Variants in TTC34 observed in about 807,000 individuals in gnomAD.
The protein encoded by TTC34 is tetratricopeptide repeat domain 34.
Under a neutral mutation model 40.7 loss-of-function variants are expected in TTC34, and 44 were observed. The observed-to-expected ratio is 1.08, with a 90% CI of 0.85 to 1.39. TTC34 has a LOEUF of 1.39. Among genes scored for constraint, TTC34 ranks in the 40% most tolerant of loss-of-function variants. The pLI is 0.00. For missense variants in TTC34, 884 were observed against 838.0 expected (o/e 1.05, Z -0.68); for synonymous variants, 422 against 398.6 (o/e 1.06, Z -0.70).
intron 6 of TTC34, among the ~76,000 whole-genome samples, chr1:2,684,957 C>G (rs1340608834): frequency 7.3e-6 from 1 of 137,508 alleles, no homozygotes; most frequent in Admixed American, 7.3e-5. Flanking sequence ...ACCACCCACA[C>G]CCCCAGACGA....
rs868683827 is a variant in TTC34, at chr1:2,771,436, C to A, written c.2226+12173G>T. On this transcript the variant is annotated intron_variant, in intron 6 of 8. Coordinates refer to ENST00000401095, the Ensembl canonical transcript of TTC34. ...TGAGAATCTGACACATAAAACAGCA[C>A]CCTGCAACCCCAGGTGAGCATCTGA... 2.8e-4 allele frequency among the ~76,000 whole-genome samples: 21 copies of A among 74,696 alleles called. 1 individual carries two copies. Among genetic ancestry groups the A allele is most frequent in the African/African-American group, 2.1e-3 (20 of 9,706 alleles). 49.0% of individuals were successfully genotyped at this position (74,696 alleles called of 152,430 possible).
Position 2,796,486 on chromosome 1 carries a change from AC to A in TTC34, c.784+3557del, listed in dbSNP as rs1000155431. 8.5e-5 allele frequency among the ~76,000 whole-genome samples: 13 copies of A among 152,286 alleles called. No homozygotes were observed. The highest frequency in any genetic ancestry group is 3.1e-4 in the African/African-American group (13 of 41,548). On this transcript the variant is annotated intron_variant, in intron 2 of 8. Coordinates refer to ENST00000401095, the Ensembl canonical transcript of TTC34. The surrounding 1 kb of genome is among the most constrained non-coding windows in gnomAD (Gnocchi z 4.5). ...GGTGTTCCCTGTACACACCAGAGCC[AC>A]GGCAGACACAGACGAGCTTCCGGTG...
At chr1:2,688,154 AAGG>A (rs1640453413) in intron 6 of TTC34, among the ~76,000 whole-genome samples, 1 of 150,826 alleles carries the variant, frequency 6.6e-6, no homozygotes, top group African/African-American at 2.4e-5. Context: ...GACGGCCTGG[AAGG>A]GCACCCACAC....
intron 6 of TTC34, among the ~76,000 whole-genome samples, chr1:2,759,231 C>CCACACCACCAGTCGAGAT (rs1641608912): frequency 8.2e-6 from 1 of 121,860 alleles, no homozygotes; most frequent in African/African-American, 3.4e-5. Flanking sequence ...GAAACAGCAC[C>CCACACCACCAGTCGAGAT]CTGCACCCCC....
At chr1:2,780,918 CTTATT>C (rs1411442715) in intron 6 of TTC34, among the ~76,000 whole-genome samples, 1 of 152,106 alleles carries the variant, frequency 6.6e-6, no homozygotes, top group Non-Finnish European at 1.5e-5. Flanking sequence ...TTGTTTATGT[CTTATT>C]TAATTTATTT....
intron 5 of TTC34, 92 bp downstream of exon 5, chr1:2,785,727 G>T: frequency 7.3e-7 from 1 of 1,367,174 alleles, no homozygotes. Context: ...TGGGGAGCAT[G>T]CGTGTCCCCA....
exon 2 of TTC34, chr1:2,800,111 C>G: frequency 2.5e-6 from 1 of 398,546 alleles, no homozygotes; most frequent in Non-Finnish European, 4.4e-6. Context: ...AGTCCTCAAA[C>G]CTGCCGCTGT....
chr1:2,645,557 C>T lies in TTC34; in HGVS notation c.2233G>A (p.Val745Met), dbSNP rs781295222. Residue 745 changes from valine (V) to methionine (M), a missense_variant, in exon 7 of 9, where the codon GTG becomes ATG. Transcript: ENST00000401095. This position sits in a 1 kb window ranked among gnomAD's most constrained non-coding sequence, Gnocchi z 4.7. Reference sequence around the variant, plus strand: ...TTCAGAGCAGAGACGATGTCGTCCACGGCTTCCTGCAAGGAGGGAGGGCGG... The same window carrying T: ...TTCAGAGCAGAGACGATGTCGTCCATGGCTTCCTGCAAGGAGGGAGGGCGG... 1.6e-4 allele frequency: 68 copies of T among 431,770 alleles called. No individual in the cohort carries two copies. The highest frequency in any genetic ancestry group is 1.8e-4 in the East Asian group (1 of 5,490). The allele number at this position is 431,770 out of a possible 1,614,324, so 26.7% of individuals were successfully genotyped here.
intron 3 of TTC34, among the ~76,000 whole-genome samples, chr1:2,788,398 TTGTG>T (rs987158458): frequency 2.0e-5 from 3 of 151,686 alleles, no homozygotes; most frequent in Non-Finnish European, 2.9e-5. Flanking sequence ...GTCTGGTGTG[TTGTG>T]TGTGTGTTAT....
chr1:2,686,047 G>C (rs1640327019), intron 6 of TTC34, among the ~76,000 whole-genome samples: 1 of 116,862 alleles, frequency 8.6e-6, no homozygotes, highest in Non-Finnish European at 1.7e-5. Context: ...GCACCCCCAA[G>C]TGAGCATCCG....
chr1:2,655,056 C>T (rs1369335800), intron 6 of TTC34, among the ~76,000 whole-genome samples: 24 of 151,954 alleles, frequency 1.6e-4, no homozygotes, highest in African/African-American at 5.6e-4. Flanking sequence ...CGCTGCACCC[C>T]CAAGTGAGCA....
chr1:2,784,433 T>A (rs954216995), intron 5 of TTC34, among the ~76,000 whole-genome samples: 4 of 152,150 alleles, frequency 2.6e-5, no homozygotes, highest in African/African-American at 9.7e-5. Flanking sequence ...GACCTCTGGA[T>A]GACTGTGGGC....
chr1:2,760,951 G>A (rs1286406564), intron 6 of TTC34, among the ~76,000 whole-genome samples: 1 of 58,180 alleles, frequency 1.7e-5, no homozygotes, highest in Non-Finnish European at 2.8e-5. Context: ...ACAGCCTGGA[G>A]CAGCGTCCAC....
At chr1:2,651,292 C>T (rs1439199904) in intron 6 of TTC34, among the ~76,000 whole-genome samples, 2 of 151,808 alleles carry the variant, frequency 1.3e-5, no homozygotes, top group South Asian at 4.2e-4. Context: ...GAGGATCTGA[C>T]AACCTGGAAT....
intron 6 of TTC34, among the ~76,000 whole-genome samples, chr1:2,751,384 ATGGT>A (rs1641313808): frequency 9.6e-6 from 1 of 104,262 alleles, no homozygotes. Flanking sequence ...TGCGCATCTG[ATGGT>A]CTGGAGCAGC....
At chr1:2,675,181 T>A (rs1232199135) in intron 6 of TTC34, among the ~76,000 whole-genome samples, 180 of 74,336 alleles carry the variant, frequency 2.4e-3, no homozygotes, top group African/African-American at 4.5e-3. Context: ...GCATCTGACA[T>A]CCTGGAGCAG....
intron 6 of TTC34, among the ~76,000 whole-genome samples, chr1:2,777,692 G>GGT (rs915585298): frequency 4.6e-5 from 7 of 151,952 alleles, no homozygotes; most frequent in African/African-American, 7.2e-5. Flanking sequence ...AGGGCATGGG[G>GGT]GGGGGGGCGC....
intron 6 of TTC34, among the ~76,000 whole-genome samples, chr1:2,687,738 C>A (rs1204689024): frequency 6.6e-6 from 1 of 150,858 alleles, no homozygotes; most frequent in Non-Finnish European, 1.5e-5. Flanking sequence ...CCCAGGTGAA[C>A]ATCCGACAGC....
At chr1:2,694,743 AC>A (rs1640780574) in intron 6 of TTC34, among the ~76,000 whole-genome samples, 2 of 67,508 alleles carry the variant, frequency 3.0e-5, no homozygotes, top group African/African-American at 5.0e-5. Flanking sequence ...GTGGAGCAGC[AC>A]CCCAAACCCA....
Sources: allele counts gnomAD v4.1 joint callset (sites outside exome capture counted in the v4.1 genomes callset), GRCh38; gene constraint gnomAD v4.1.1; non-coding constraint Gnocchi (gnomAD v3.1); transcripts MANE v1.5; gene names NCBI Gene and HGNC (gene_info 2026-07-23, HGNC 2026-07-21).